PALM2AKAP2: variants seen among roughly 807,000 people sequenced by gnomAD.
PALM2AKAP2 encodes PALM2-AKAP2 fusion protein.
PALM2AKAP2 carries 37 observed loss-of-function variants against 71.5 expected under a neutral mutation model. The ratio of observed to expected loss-of-function variants is 0.52; its 90% CI spans 0.40 to 0.68. PALM2AKAP2 has a LOEUF of 0.68. Among genes scored for constraint, PALM2AKAP2 ranks in the 30% least tolerant of loss-of-function variants. PALM2AKAP2 has a pLI of 0.00. For missense variants in PALM2AKAP2, 1,224 were observed against 1,191.8 expected, an observed-to-expected ratio of 1.03 and a Z score of -0.40; for synonymous variants, 468 against 478.8, an observed-to-expected ratio of 0.98 and a Z score of 0.29.
At chr9:110,048,624 G>T, upstream of PALM2AKAP2, 1 of 1,402,682 alleles carries the variant, frequency 7.1e-7, no homozygotes, top group Admixed American at 2.9e-5. Flanking sequence ...AGGAGGCGGG[G>T]AAGGGGCGGG....
At chr9:109,929,484 C>T (rs1831041286) in intron 5 of PALM2AKAP2, among the ~76,000 whole-genome samples, 1 of 152,164 alleles carries the variant, frequency 6.6e-6, no homozygotes, top group Non-Finnish European at 1.5e-5. Context: ...AGGTGCTGCT[C>T]TTTCTAGTTC....
rs555016411 is a variant in PALM2AKAP2, at chr9:109,823,874, C to A, written c.45+43341C>A. On this transcript the variant is annotated intron_variant, in intron 1 of 9. Transcript: ENST00000302798. ...AGTATTTTGCTCCAGTTTGTATATT[C>A]TTTCAAAGCCTTTGAACCACACTTT... 2.0e-5 allele frequency among the ~76,000 whole-genome samples: 3 copies of A among 152,276 alleles called. No homozygotes were observed. The South Asian group carries it at 6.2e-4, about 32-fold the overall frequency.
intron 1 of PALM2AKAP2, among the ~76,000 whole-genome samples, chr9:109,764,571 C>T (rs902788142): frequency 2.6e-5 from 4 of 152,196 alleles, no homozygotes; most frequent in African/African-American, 9.6e-5. Context: ...TTCTTGAGCT[C>T]ACCCCTGTCA....
At chr9:110,127,622 C>G (rs1019939956) in intron 1 of PALM2AKAP2, 1 of 152,264 alleles carries the variant, frequency 6.6e-6, no homozygotes, top group African/African-American at 2.4e-5. Context: ...AGTTCCCAGA[C>G]TTTCCTGCTG....
At chr9:109,851,345 T>G (rs963141992) in intron 1 of PALM2AKAP2, among the ~76,000 whole-genome samples, 1 of 152,136 alleles carries the variant, frequency 6.6e-6, no homozygotes, top group Non-Finnish European at 1.5e-5. Flanking sequence ...CTTCCAGGGT[T>G]GAGCACTGTG....
At chr9:110,017,995 G>A (rs1186822202) in intron 7 of PALM2AKAP2, among the ~76,000 whole-genome samples, 1 of 152,058 alleles carries the variant, frequency 6.6e-6, no homozygotes, top group Non-Finnish European at 1.5e-5. Context: ...CAAAGTGCTG[G>A]GATTACAGGC....
chr9:110,166,356 G>C (rs965113690), intron 3 of PALM2AKAP2, among the ~76,000 whole-genome samples: 1 of 152,182 alleles, frequency 6.6e-6, no homozygotes, highest in African/African-American at 2.4e-5. Flanking sequence ...GAGAAAGCCT[G>C]TGAAGTGGGG....
At chr9:109,773,701 C>T (rs1829308422) in intron 1 of PALM2AKAP2, among the ~76,000 whole-genome samples, 1 of 152,188 alleles carries the variant, frequency 6.6e-6, no homozygotes. Flanking sequence ...TACAAAGTCA[C>T]ACAGCAAGTG....
chr9:110,023,477 G>A (rs12380467), intron 7 of PALM2AKAP2, among the ~76,000 whole-genome samples: 3,751 of 151,668 alleles, frequency 0.025, 70 homozygotes, highest in Non-Finnish European at 0.038. Context: ...ACCACGCCCG[G>A]ATAATTTTGT....
chr9:110,070,999 T>TA (rs1441439732), intron 1 of PALM2AKAP2, among the ~76,000 whole-genome samples: 4 of 151,808 alleles, frequency 2.6e-5, no homozygotes, highest in African/African-American at 9.7e-5. Flanking sequence ...CCGCCTCTAC[T>TA]AAAAACATAC....
chr9:109,867,566 T>A, exon 2 of PALM2AKAP2: 1 of 1,612,594 alleles, frequency 6.2e-7, no homozygotes, highest in Non-Finnish European at 8.5e-7. Context: ...GCTGCAGCAT[T>A]CCAAGGTAAG....
intron 6 of PALM2AKAP2, chr9:109,945,347 T>C (rs1438779370): frequency 6.6e-6 from 1 of 152,182 alleles, no homozygotes; most frequent in Non-Finnish European, 1.5e-5. Flanking sequence ...CAAGGCTTGG[T>C]TTTGAATAAC....
chr9:109,813,920 TCATCCTTCTTGCTGGTTCCCAG>T (rs1304489446), intron 1 of PALM2AKAP2, among the ~76,000 whole-genome samples: 1 of 152,224 alleles, frequency 6.6e-6, no homozygotes, highest in Admixed American at 6.5e-5. Context: ...ACAGGATGGT[TCATCCTTCTTGCTGGTTCCCAG>T]CATCCTTCTT....
intron 1 of PALM2AKAP2, among the ~76,000 whole-genome samples, chr9:109,772,991 G>A (rs4606126): frequency 0.42 from 63,222 of 152,042 alleles, 16,021 homozygotes; most frequent in African/African-American, 0.71. Context: ...GGTGGCGGGC[G>A]CCTGTAGTCC....
At chr9:110,087,283 T>C (rs1373076050) in intron 1 of PALM2AKAP2, among the ~76,000 whole-genome samples, 1 of 152,218 alleles carries the variant, frequency 6.6e-6, no homozygotes, top group Admixed American at 6.5e-5. Flanking sequence ...TAATGCATCA[T>C]CTTAATACTA....
intron 1 of PALM2AKAP2, among the ~76,000 whole-genome samples, chr9:110,055,006 G>GC (rs941951461): frequency 2.0e-5 from 3 of 151,900 alleles, no homozygotes; most frequent in African/African-American, 7.3e-5. Flanking sequence ...ACTGCCCCCC[G>GC]CCCCTACCCG....
chr9:109,699,789 T>A (rs1828026417), intron 1 of PALM2AKAP2, among the ~76,000 whole-genome samples: 1 of 151,938 alleles, frequency 6.6e-6, no homozygotes, highest in South Asian at 2.1e-4. Context: ...TTTTTTTTTT[T>A]TTTGAGATGG....
chr9:109,856,996 C>G (rs80004570), intron 1 of PALM2AKAP2, among the ~76,000 whole-genome samples: 6,234 of 152,264 alleles, frequency 0.041, 262 homozygotes, highest in African/African-American at 0.1. Context: ...GTTCTGTGGC[C>G]TGCGGTGCTG....
At chr9:110,018,908 C>T (rs993635514) in intron 7 of PALM2AKAP2, among the ~76,000 whole-genome samples, 2 of 152,182 alleles carry the variant, frequency 1.3e-5, no homozygotes, top group East Asian at 1.9e-4. Context: ...TTCTGCTCCA[C>T]TTCGTTAATC....
Sources: gnomAD v4.1 joint callset for allele counts (sites outside exome capture counted in the v4.1 genomes callset) on GRCh38, gnomAD v4.1.1 for gene constraint, MANE v1.5 for transcripts, NCBI Gene and HGNC (gene_info 2026-07-23, HGNC 2026-07-21) for gene names.